HOXA3: variants seen among roughly 807,000 people sequenced by gnomAD.
HOXA3 encodes the protein homeobox A3, also known as homeobox protein Hox-A3.
In HOXA3, 8 loss-of-function variants were observed where a neutral mutation model predicts 30.3. That is an observed-to-expected ratio of 0.26 (90% confidence interval 0.15 to 0.48). The LOEUF (loss-of-function observed/expected upper bound fraction) is 0.48. HOXA3 is among the 20% of genes least tolerant of loss of function. The pLI, the probability that HOXA3 is intolerant of heterozygous loss-of-function variation, is 0.99. For synonymous variants in HOXA3, 323 were observed against 273.1 expected, an observed-to-expected ratio of 1.18 and a Z score of -1.80; for missense variants, 653 against 614.4, an observed-to-expected ratio of 1.06 and a Z score of -0.66.
intron 2 of HOXA3, among the ~76,000 whole-genome samples, chr7:27,137,177 C>G (rs184173535): frequency 1.3e-4 from 20 of 152,320 alleles, no homozygotes; most frequent in African/African-American, 4.8e-4. Context: ...AGAATCTCAA[C>G]AAATGAACAG....
chr7:27,150,263 G>C (rs1782924990), intron 1 of HOXA3: 1 of 152,128 alleles, frequency 6.6e-6, no homozygotes, highest in Non-Finnish European at 1.5e-5. Context: ...GGCCACCCCA[G>C]GGCTCTCTCT....
intron 1 of HOXA3, chr7:27,147,198 C>A (rs1010480724): frequency 8.9e-7 from 1 of 1,127,608 alleles, no homozygotes; most frequent in Non-Finnish European, 1.2e-6. Context: ...TTTGCTGGTT[C>A]TTTCATCCTT....
At chr7:27,109,948 C>T (rs754507667) in intron 5 of HOXA3, 167 bp downstream of exon 5, 44 of 772,978 alleles carry the variant, frequency 5.7e-5, no homozygotes, top group Middle Eastern at 7.7e-4. Flanking sequence ...GGCCTATCAC[C>T]TCCCTAAGTT....
intron 1 of HOXA3, among the ~76,000 whole-genome samples, chr7:27,144,639 G>A (rs1263190354): frequency 6.6e-6 from 1 of 152,230 alleles, no homozygotes; most frequent in African/African-American, 2.4e-5. Flanking sequence ...CTGGGGTCTG[G>A]GGATCCGTGG....
intron 1 of HOXA3, among the ~76,000 whole-genome samples, chr7:27,143,830 G>T (rs1210752592): frequency 6.6e-6 from 1 of 152,098 alleles, no homozygotes; most frequent in African/African-American, 2.4e-5. Context: ...GCACTAATAG[G>T]GGAGTTGGGT....
At chr7:27,144,526 T>C (rs1230236286) in intron 1 of HOXA3, among the ~76,000 whole-genome samples, 1 of 152,230 alleles carries the variant, frequency 6.6e-6, no homozygotes, top group African/African-American at 2.4e-5. Context: ...CTGGAAAATC[T>C]TCATCACAGG....
intron 4 of HOXA3, among the ~76,000 whole-genome samples, chr7:27,112,574 G>C (rs1784437480): frequency 6.6e-6 from 1 of 152,174 alleles, no homozygotes; most frequent in Admixed American, 6.5e-5. Context: ...ACATACCATG[G>C]TTGAAAGTAA....
chr7:27,118,160 C>G (rs919889422), intron 4 of HOXA3, among the ~76,000 whole-genome samples: 1 of 152,218 alleles, frequency 6.6e-6, no homozygotes, highest in Non-Finnish European at 1.5e-5. Context: ...AAAATAAATT[C>G]CATCCTCCTG....
At chr7:27,110,786 G>T in intron 4 of HOXA3, 26 bp from the exon 5 acceptor site, 1 of 1,239,014 alleles carries the variant, frequency 8.1e-7, no homozygotes, top group Non-Finnish European at 1.1e-6. Flanking sequence ...GCGCAGCGCG[G>T]TGAGGGCTCC....
chr7:27,143,327 T>C, intron 1 of HOXA3: 2 of 1,594,028 alleles, frequency 1.3e-6, no homozygotes. Flanking sequence ...CTGAGGAGAG[T>C]GCGTGGACGT....
rs1202077053 is a variant in HOXA3, at chr7:27,110,423, C to T, written c.218G>A (p.Arg73His). ...CTGGCTAGGTGGGGCGCTCAGGGTGCGCAGGCACGCCTCACTCAGTTCGTG... is the reference window on the plus strand; with the variant it reads ...CTGGCTAGGTGGGGCGCTCAGGGTGTGCAGGCACGCCTCACTCAGTTCGTG... ...KAHELSEACL[R>H]TLSAPPSQPP... Residue 73 changes from arginine (R) to histidine (H), a missense_variant, in exon 5 of 6, where the codon CGC (arginine) becomes CAC (histidine). By Grantham distance (29) the Arg-to-His change is conservative. Around this residue, in one of 3 missense-constraint regions of HOXA3, gnomAD observed 320 missense variants for 321.9 expected, o/e 0.99. Transcript: ENST00000612286. 1.3e-6 allele frequency: 2 copies of T among 1,554,372 alleles called. No homozygotes were observed. Among genetic ancestry groups the T allele is most frequent in the South Asian group, 1.2e-5 (1 of 84,690 alleles).
intron 4 of HOXA3, among the ~76,000 whole-genome samples, chr7:27,114,776 A>G: frequency 4.4e-5 from 1 of 22,894 alleles, no homozygotes; most frequent in Non-Finnish European, 1.2e-4. Context: ...CACGCAGGGC[A>G]GAGGAATATG....
chr7:27,148,111 C>A (rs1008299541), intron 1 of HOXA3, among the ~76,000 whole-genome samples: 4 of 152,266 alleles, frequency 2.6e-5, no homozygotes, highest in Non-Finnish European at 5.9e-5. Flanking sequence ...AATGCTTGGG[C>A]CGCCTCAAAG....
intron 1 of HOXA3, chr7:27,145,432 T>G: frequency 3.1e-6 from 2 of 645,416 alleles, no homozygotes; most frequent in African/African-American, 1.8e-5. Flanking sequence ...ACCGCTGGTA[T>G]TGGCTGTGTG....
chr7:27,146,253 G>GTT (rs1422952112), intron 1 of HOXA3, among the ~76,000 whole-genome samples: 1 of 83,492 alleles, frequency 1.2e-5, no homozygotes, highest in Non-Finnish European at 2.6e-5. Context: ...GTGTGTGTTT[G>GTT]TGTGTGTGTG....
chr7:27,111,123 C>T (rs996414031), intron 4 of HOXA3, among the ~76,000 whole-genome samples: 25 of 152,166 alleles, frequency 1.6e-4, no homozygotes, highest in Non-Finnish European at 3.2e-4. Context: ...CGCTTAGTTT[C>T]TGCTCCTTGG....
In HOXA3 at chr7:27,108,656, G is replaced by C. The variant is rs572643402; in HGVS notation, c.591C>G (p.Ala197=). ...GCTCCACCAGCTGCGCGCTCGTGTAGGCCGTGCGCGCGCGCTTGGACGAAG... is the reference window on the plus strand; with the variant it reads ...GCTCCACCAGCTGCGCGCTCGTGTACGCCGTGCGCGCGCGCTTGGACGAAG... ...GQASSKRART[A]YTSAQLVELE... is the part of the protein sequence containing the mutation. The change falls in exon 6 of 6, where the codon GCC becomes GCG. Residue 197 remains alanine, a synonymous_variant. Coordinates refer to ENST00000612286, the MANE Select transcript of HOXA3 (RefSeq NM_153631.3). The surrounding 1 kb of genome is among the most constrained non-coding windows in gnomAD (Gnocchi z 5.0). The C allele has an allele frequency of 3.3e-5, 54 of 1,613,912 alleles. No individual in the cohort carries two copies. Among genetic ancestry groups the C allele is most frequent in the Non-Finnish European group, 4.2e-5 (49 of 1,179,886 alleles).
intron 1 of HOXA3, chr7:27,145,414 C>G: frequency 1.7e-6 from 1 of 603,132 alleles, no homozygotes; most frequent in Non-Finnish European, 2.9e-6. Flanking sequence ...TGCAGTGCGC[C>G]CCGCTCCACC....
intron 2 of HOXA3, chr7:27,129,136 C>T (rs1785402722): frequency 1.2e-6 from 1 of 842,054 alleles, no homozygotes; most frequent in African/African-American, 1.7e-5. Context: ...TATTATGGTC[C>T]AGATGGGGAG....
Sources: allele counts gnomAD v4.1 joint callset (sites outside exome capture counted in the v4.1 genomes callset), GRCh38; gene constraint gnomAD v4.1.1; regional missense constraint gnomAD v4.1.1; non-coding constraint Gnocchi (gnomAD v3.1); transcripts MANE v1.5; gene names NCBI Gene and HGNC (gene_info 2026-07-23, HGNC 2026-07-21).